Variants in PRUNE2 observed in about 807,000 individuals in gnomAD.
PRUNE2 encodes the protein protein prune homolog 2.
Under a neutral mutation model 252.0 loss-of-function variants are expected in PRUNE2, and 164 were observed. The ratio of observed to expected loss-of-function variants is 0.65; its 90% CI spans 0.57 to 0.74. The LOEUF is 0.74. Among genes scored for constraint, PRUNE2 ranks in the 30% least tolerant of loss-of-function variants. PRUNE2 has a pLI of 0.00. For synonymous variants in PRUNE2, 1,292 were observed against 1,350.2 expected (o/e 0.96, Z 0.94); for missense variants, 3,495 against 3,711.0 (o/e 0.94, Z 1.51).
chr9:76,843,268 G>A (rs2059490988), intron 4 of PRUNE2, among the ~76,000 whole-genome samples: 1 of 152,022 alleles, frequency 6.6e-6, no homozygotes, highest in Admixed American at 6.6e-5. Context: ...AGTGGGAGCT[G>A]AACAATGAGA....
At chr9:76,615,129 A>T in intron 18 of PRUNE2, 1 of 985,668 alleles carries the variant, frequency 1.0e-6, no homozygotes, top group Non-Finnish European at 1.2e-6. Context: ...ACTAAAGAAA[A>T]GCTTGTTTTT....
chr9:76,710,268 T>C lies in PRUNE2; in HGVS notation c.2006A>G (p.Asp669Gly), dbSNP rs759124257. ...GLEIDSKNIA[D>G]AWSSSEQESV... is the part of the protein sequence containing the mutation. ...TTCCTGTTCACTGGAACTCCACGCA[T>C]CTGCAATATTTTTGGAGTCAATTTC... The change falls in exon 8 of 19, where the codon GAT becomes GGT. Residue 669 changes from aspartate to glycine, a missense_variant. Coordinates refer to ENST00000376718, the MANE Select transcript of PRUNE2 (RefSeq NM_015225.3). The C allele has an allele frequency of 6.2e-7, 1 of 1,613,826 alleles. No individual in the cohort carries two copies. The highest frequency in any genetic ancestry group is 1.7e-5 in the Admixed American group (1 of 59,998).
chr9:76,652,573 C>G lies in PRUNE2; in HGVS notation c.8467G>C (p.Asp2823His). 1.9e-6 allele frequency: 3 copies of G among 1,613,148 alleles called. 1 individual carries two copies. Among genetic ancestry groups the G allele is most frequent in the South Asian group, 2.2e-5 (2 of 91,054 alleles). ...ATTTCATCTGGACTGTCCAAGTTATCATCAGAGAGAATAGATCCTTCACTT... is the reference window on the plus strand; with the variant it reads ...ATTTCATCTGGACTGTCCAAGTTATGATCAGAGAGAATAGATCCTTCACTT... ...DQSEGSILSDDNLDSPDEIDI... is the reference protein window; with the variant it reads ...DQSEGSILSDHNLDSPDEIDI... Residue 2823 changes from aspartate (D) to histidine (H), a missense_variant, in exon 11 of 19, where the codon GAT (aspartate) becomes CAT (histidine). Transcript: ENST00000376718.
intron 6 of PRUNE2, among the ~76,000 whole-genome samples, chr9:76,818,943 G>A (rs1489528432): frequency 6.6e-6 from 1 of 152,152 alleles, no homozygotes; most frequent in African/African-American, 2.4e-5. Context: ...AAATAGGGTT[G>A]TTGTAGACAT....
chr9:76,740,807 T>C (rs565637520), intron 6 of PRUNE2, among the ~76,000 whole-genome samples: 1 of 152,366 alleles, frequency 6.6e-6, no homozygotes, highest in South Asian at 2.1e-4. Context: ...ATCTGTTGGC[T>C]GATTGAAGTT....
chr9:76,823,671 T>C lies in PRUNE2; in HGVS notation c.717A>G (p.Glu239=), dbSNP rs140302586. The change falls in exon 6 of 19, where the codon GAA becomes GAG. Residue 239 remains glutamate, a synonymous_variant. Transcript: ENST00000376718. Reference sequence around the variant, plus strand: ...TCACAGTACTAATGGCCACTTTTATTTCTCCATCTGACAGCTCCTTTAGAT... The same window carrying C: ...TCACAGTACTAATGGCCACTTTTATCTCTCCATCTGACAGCTCCTTTAGAT... The part of the protein sequence containing the change: ...LKDLKELSDG[E]IKVAISTVSM... The C allele has an allele frequency of 8.7e-5, 141 of 1,612,372 alleles. 2 individuals are homozygous for C. The highest frequency in any genetic ancestry group is 6.6e-4 in the Middle Eastern group (4 of 6,080).
chr9:76,811,962 G>A (rs1305132549), intron 6 of PRUNE2, among the ~76,000 whole-genome samples: 1 of 152,142 alleles, frequency 6.6e-6, no homozygotes, highest in Non-Finnish European at 1.5e-5. Context: ...AGGAGCATGT[G>A]GACATACGGA....
chr9:76,669,035 C>T (rs775373039), intron 9 of PRUNE2, among the ~76,000 whole-genome samples: 1 of 151,504 alleles, frequency 6.6e-6, no homozygotes, highest in Non-Finnish European at 1.5e-5. Flanking sequence ...ATAAAGACAC[C>T]AATCCTACTG....
intron 6 of PRUNE2, among the ~76,000 whole-genome samples, chr9:76,800,672 A>T (rs1455994742): frequency 6.6e-6 from 1 of 152,154 alleles, no homozygotes; most frequent in Admixed American, 6.5e-5. Flanking sequence ...AAAGGAAGAC[A>T]TTGCGCCCTA....
At chr9:76,828,141 A>G (rs2058454542) in intron 4 of PRUNE2, among the ~76,000 whole-genome samples, 2 of 152,226 alleles carry the variant, frequency 1.3e-5, no homozygotes, top group South Asian at 4.1e-4. Flanking sequence ...ATCTAGGCCA[A>G]AATCTAGGGT....
chr9:76,653,239 A>ATT, intron 10 of PRUNE2, among the ~76,000 whole-genome samples: 1 of 152,320 alleles, frequency 6.6e-6, no homozygotes, highest in East Asian at 1.9e-4. Flanking sequence ...GGTATACTGC[A>ATT]TAAGAAAAAT....
At chr9:76,829,528 G>T (rs747195494) in intron 4 of PRUNE2, among the ~76,000 whole-genome samples, 2 of 152,178 alleles carry the variant, frequency 1.3e-5, no homozygotes, top group Non-Finnish European at 2.9e-5. Flanking sequence ...TTGGAACACA[G>T]CCATGTTCAT....
At chr9:76,875,033 T>C (rs1330683195) in intron 1 of PRUNE2, among the ~76,000 whole-genome samples, 1 of 152,106 alleles carries the variant, frequency 6.6e-6, no homozygotes, top group East Asian at 1.9e-4. Context: ...CAAGCTTTTC[T>C]CCCGCTACAC....
intron 6 of PRUNE2, among the ~76,000 whole-genome samples, chr9:76,758,054 C>T (rs78132671): frequency 0.052 from 7,955 of 151,932 alleles, 258 homozygotes; most frequent in East Asian, 0.087. Context: ...TCTGGTTAAC[C>T]TTTGCTATCT....
intron 2 of PRUNE2, among the ~76,000 whole-genome samples, chr9:76,851,391 C>CA (rs963532728): frequency 4.6e-5 from 7 of 151,862 alleles, no homozygotes; most frequent in African/African-American, 1.7e-4. Flanking sequence ...ACTAAAAATA[C>CA]AAAAAAATTA....
At chr9:76,727,011 G>A (rs1194358592) in intron 6 of PRUNE2, among the ~76,000 whole-genome samples, 1 of 152,204 alleles carries the variant, frequency 6.6e-6, no homozygotes, top group African/African-American at 2.4e-5. Context: ...ATTCGTAACA[G>A]ATAAAAAGTA....
chr9:76,694,584 C>T (rs1490290100), intron 9 of PRUNE2, among the ~76,000 whole-genome samples: 1 of 152,176 alleles, frequency 6.6e-6, no homozygotes, highest in African/African-American at 2.4e-5. Flanking sequence ...ACCTTAAAAA[C>T]ATTTTAAGTA....
chr9:76,832,323 A>T (rs2058714529), intron 4 of PRUNE2, among the ~76,000 whole-genome samples: 1 of 152,154 alleles, frequency 6.6e-6, no homozygotes, highest in Admixed American at 6.5e-5. Context: ...CTTTTCTAGT[A>T]CAAATGAAAC....
chr9:76,891,246 T>G (rs774834141), intron 1 of PRUNE2, among the ~76,000 whole-genome samples: 43 of 152,188 alleles, frequency 2.8e-4, no homozygotes, highest in Non-Finnish European at 5.6e-4. Context: ...AAGAGAGAAT[T>G]TGACAGAATT....
Sources: gnomAD v4.1 joint callset for allele counts (sites outside exome capture counted in the v4.1 genomes callset) on GRCh38, gnomAD v4.1.1 for gene constraint, MANE v1.5 for transcripts, NCBI Gene and HGNC (gene_info 2026-07-23, HGNC 2026-07-21) for gene names.